Variants in PDE10A observed in about 807,000 individuals in gnomAD.
PDE10A encodes the protein cAMP and cAMP-inhibited cGMP 3',5'-cyclic phosphodiesterase 10A.
In PDE10A, 39 loss-of-function variants were observed where a neutral mutation model predicts 97.7. The ratio of observed to expected loss-of-function variants is 0.40; its 90% CI spans 0.31 to 0.52. PDE10A has a LOEUF of 0.52. Ranked by LOEUF, PDE10A falls within the 20% of genes least tolerant of loss-of-function variation. The pLI is 0.56. For synonymous variants in PDE10A, 371 were observed against 376.8 expected (o/e 0.98, Z 0.18); for missense variants, 731 against 1,047.8 (o/e 0.70, Z 4.17).
At chr6:165,580,275 C>A (rs1285902388) in intron 1 of PDE10A, among the ~76,000 whole-genome samples, 1 of 151,958 alleles carries the variant, frequency 6.6e-6, no homozygotes. Flanking sequence ...AGAAATGAAA[C>A]CTGAGCTGAG....
chr6:165,894,133 G>T, intron 1 of PDE10A: 1 of 359,284 alleles, frequency 2.8e-6, no homozygotes, highest in Non-Finnish European at 5.5e-6. Flanking sequence ...ATAAAATATG[G>T]CTTGACTGGG....
chr6:165,944,958 G>C lies in PDE10A; in HGVS notation c.-615+42571C>G, dbSNP rs1200059607. 2.0e-5 allele frequency among the ~76,000 whole-genome samples: 3 copies of C among 152,218 alleles called. No individual in the cohort carries two copies. In the East Asian group the frequency reaches 5.8e-4, roughly 29 times the overall value. On this transcript the variant is annotated intron_variant, in intron 1 of 19. Transcript: ENST00000366882. ...TAGTTTTGCCAGCTGGTATGACCTT[G>C]AGTGTGGCAATGACCTTGGGTGTGG...
intron 1 of PDE10A, chr6:165,946,786 A>G (rs1193978248): frequency 2.0e-5 from 3 of 152,254 alleles, no homozygotes; most frequent in Admixed American, 6.5e-5. Flanking sequence ...ATTAAAATAC[A>G]TGTCTCTACC....
intron 1 of PDE10A, among the ~76,000 whole-genome samples, chr6:165,762,329 G>A (rs573197393): frequency 1.3e-4 from 20 of 152,124 alleles, no homozygotes; most frequent in Non-Finnish European, 2.5e-4. Flanking sequence ...CTGGCAATAC[G>A]TGTTGTCTGA....
intron 1 of PDE10A, among the ~76,000 whole-genome samples, chr6:165,717,331 C>T (rs538368010): frequency 6.6e-6 from 1 of 152,322 alleles, no homozygotes; most frequent in South Asian, 2.1e-4. Context: ...TGGCTCACGC[C>T]TCTAATCCCA....
intron 1 of PDE10A, among the ~76,000 whole-genome samples, chr6:165,931,134 C>T (rs1783120961): frequency 6.6e-6 from 1 of 152,228 alleles, no homozygotes; most frequent in South Asian, 2.1e-4. Flanking sequence ...CCATGGTGGT[C>T]TCCTTCCATT....
chr6:165,335,876 AG>A (rs1781612778), intron 21 of PDE10A, among the ~76,000 whole-genome samples: 1 of 151,872 alleles, frequency 6.6e-6, no homozygotes, highest in African/African-American at 2.4e-5. Context: ...CTCTCTTCAG[AG>A]TGTGGCCAGA....
At chr6:165,337,492 C>G (rs1781720276) in intron 20 of PDE10A, among the ~76,000 whole-genome samples, 1 of 152,192 alleles carries the variant, frequency 6.6e-6, no homozygotes. Context: ...CCATTTTTAA[C>G]TTTATGGCTC....
chr6:165,801,679 C>A (rs1327802963), intron 1 of PDE10A, among the ~76,000 whole-genome samples: 1 of 152,240 alleles, frequency 6.6e-6, no homozygotes, highest in South Asian at 2.1e-4. Context: ...GCTAAATCAA[C>A]ACCATGTTTC....
rs1562687327 is a variant in PDE10A, at chr6:165,691,203, C to CACACACACACACA, written c.-614-147636_-614-147635insTGTGTGTGTGTGT. On this transcript the variant is annotated intron_variant, in intron 1 of 19. Coordinates refer to the PDE10A transcript ENST00000366882. ...TCTCTCTCTCCCTCTCTCTCTCTCC[C>CACACACACACACA]CACACACACACACACACACACACAC... Among the ~76,000 whole-genome samples, 128 of 108,652 alleles carry CACACACACACACA rather than the reference C, an allele frequency of 1.2e-3. 9 individuals are homozygous for CACACACACACACA. The highest frequency in any genetic ancestry group is 5.5e-3 in the African/African-American group (123 of 22,224). The allele number at this position is 108,652 out of a possible 152,430, so 71.3% of individuals were successfully genotyped here.
chr6:165,771,654 T>TAAAAAAA (rs35902541), intron 1 of PDE10A, among the ~76,000 whole-genome samples: 6 of 106,328 alleles, frequency 5.6e-5, no homozygotes, highest in Non-Finnish European at 9.9e-5. Flanking sequence ...TTTAACAAGA[T>TAAAAAAA]AAAAAAAAAA....
intron 2 of PDE10A, among the ~76,000 whole-genome samples, chr6:165,485,202 T>C (rs552820016): frequency 6.6e-6 from 1 of 152,202 alleles, no homozygotes; most frequent in South Asian, 2.1e-4. Context: ...CTGGACGCGG[T>C]GGCTCACGCC....
chr6:165,339,484 C>T (rs979861721), intron 19 of PDE10A, 126 bp from the exon 20 acceptor site: 9 of 658,278 alleles, frequency 1.4e-5, no homozygotes, highest in Admixed American at 5.3e-5. Context: ...TGGTTGTTAA[C>T]CCAAGAAAAG....
At position 165,327,913 on chromosome 6, in the gene PDE10A, G is replaced by A. The variant is rs1781134909; in HGVS notation, c.*5112C>T. The stretch of plus-strand genomic sequence containing the variant: ...CTCTCCAGTAGTTTTTGGTCAGCAA[G>A]ATTATCAACAGCAAACTCTTAGATG... On this transcript the variant is annotated 3_prime_UTR_variant, in exon 22 of 22. Coordinates refer to ENST00000539869, the MANE Select transcript of PDE10A (RefSeq NM_001385079.1). 6.6e-6 allele frequency: 1 copy of A among 152,158 alleles called. No homozygotes were observed. The highest frequency in any genetic ancestry group is 2.4e-5 in the African/African-American group (1 of 41,426). 9.4% of individuals were successfully genotyped at this position (152,158 alleles called of 1,614,324 possible).
At position 165,332,946 on chromosome 6, in the gene PDE10A, C is replaced by T; in HGVS notation, c.*79G>A. Reference sequence around the variant, plus strand: ...TACCAGGTGCAGGTTCCCCCCACCCCCCCCAAAAAAAGGAAAAGAATGTCA... The same window carrying T: ...TACCAGGTGCAGGTTCCCCCCACCCTCCCCAAAAAAAGGAAAAGAATGTCA... On this transcript the variant is annotated 3_prime_UTR_variant, in exon 22 of 22. Coordinates refer to ENST00000539869, the MANE Select transcript of PDE10A (RefSeq NM_001385079.1). 3.0e-6 allele frequency: 2 copies of T among 660,500 alleles called. No homozygotes were observed. The highest frequency in any genetic ancestry group is 2.7e-6 in the Non-Finnish European group (1 of 363,694). The allele number at this position is 660,500 out of a possible 1,614,324, so 40.9% of individuals were successfully genotyped here. A position where few individuals can be genotyped will look rare whatever the true frequency, so the allele number is the denominator to read the frequency against.
intron 1 of PDE10A, among the ~76,000 whole-genome samples, chr6:165,860,629 A>G (rs151187267): frequency 1.8e-3 from 268 of 152,346 alleles, no homozygotes; most frequent in African/African-American, 6.2e-3. Flanking sequence ...TCATGTCCAC[A>G]AAAGAGCAAA....
chr6:165,514,246 T>C (rs73786620), intron 2 of PDE10A, among the ~76,000 whole-genome samples: 2,337 of 152,360 alleles, frequency 0.015, 56 homozygotes, highest in African/African-American at 0.053. Context: ...GGTGCTTTTC[T>C]TGTGATACCT....
intron 9 of PDE10A, among the ~76,000 whole-genome samples, chr6:165,429,695 C>T (rs1583268950): frequency 2.0e-5 from 3 of 152,082 alleles, no homozygotes; most frequent in Admixed American, 2.0e-4. Flanking sequence ...TGATTAATTA[C>T]ATGGGTCAGA....
chr6:165,764,168 C>G (rs1418253157), intron 1 of PDE10A, among the ~76,000 whole-genome samples: 1 of 152,196 alleles, frequency 6.6e-6, no homozygotes, highest in Non-Finnish European at 1.5e-5. Context: ...TCTGCCTGGG[C>G]AGACCTGGGG....
Sources: allele counts gnomAD v4.1 joint callset (sites outside exome capture counted in the v4.1 genomes callset), GRCh38; gene constraint gnomAD v4.1.1; transcripts MANE v1.5; gene names NCBI Gene and HGNC (gene_info 2026-07-23, HGNC 2026-07-21).